Variants in MAML2 observed in about 807,000 individuals in gnomAD.
The protein encoded by MAML2 is mastermind-like protein 2.
MAML2 carries 22 observed loss-of-function variants against 96.1 expected under a neutral mutation model. The observed-to-expected ratio is 0.23, with a 90% confidence interval of 0.16 to 0.33. The LOEUF (loss-of-function observed/expected upper bound fraction) is 0.33. Ranked by LOEUF, MAML2 falls within the 10% of genes least tolerant of loss-of-function variation. MAML2 has a pLI of 1.00. For missense variants in MAML2, 1,367 were observed against 1,392.4 expected, an observed-to-expected ratio of 0.98 and a Z score of 0.29; for synonymous variants, 561 against 521.3, an observed-to-expected ratio of 1.08 and a Z score of -1.04.
rs1862880467 is a variant in MAML2, at chr11:96,269,360, A to G, written c.513+72023T>C. ...AGCTCTCCATTCAGCCTAAATAGCT[A>G]TTGTATGTTATGTTCCTGAGAAGGT... On this transcript the variant is annotated intron_variant, in intron 1 of 4. Transcript: ENST00000524717. Among the ~76,000 whole-genome samples, 2 of 144,738 alleles carry G rather than the reference A, an allele frequency of 1.4e-5. 1 individual carries two copies. The highest frequency in any genetic ancestry group is 5.3e-5 in the African/African-American group (2 of 37,742). The allele number at this position is 144,738 out of a possible 152,430, so 95.0% of individuals were successfully genotyped here.
chr11:96,330,039 C>A (rs565742410), intron 1 of MAML2, among the ~76,000 whole-genome samples: 56 of 152,140 alleles, frequency 3.7e-4, no homozygotes, highest in Non-Finnish European at 7.3e-4. Flanking sequence ...TGAGGTTAAC[C>A]CTTTTCTATT....
chr11:96,159,008 A>G (rs1480898908), intron 1 of MAML2, among the ~76,000 whole-genome samples: 1 of 152,212 alleles, frequency 6.6e-6, no homozygotes, highest in Non-Finnish European at 1.5e-5. Flanking sequence ...TCTGTTTCTT[A>G]TGATACAGAT....
intron 1 of MAML2, among the ~76,000 whole-genome samples, chr11:96,322,528 T>C (rs1220970599): frequency 6.6e-6 from 1 of 152,082 alleles, no homozygotes; most frequent in African/African-American, 2.4e-5. Flanking sequence ...CCGTCTCTAC[T>C]AAAAATACAA....
chr11:96,194,343 A>G (rs777458023), intron 1 of MAML2, among the ~76,000 whole-genome samples: 4 of 152,164 alleles, frequency 2.6e-5, no homozygotes, highest in Non-Finnish European at 5.9e-5. Context: ...CTTACATATG[A>G]ATAAAGTAAA....
intron 1 of MAML2, among the ~76,000 whole-genome samples, chr11:96,097,038 G>C (rs1163611411): frequency 2.6e-5 from 4 of 152,048 alleles, no homozygotes; most frequent in African/African-American, 9.7e-5. Context: ...ATGCCTACAT[G>C]CAGTAGGCAC....
chr11:96,216,464 C>T (rs1233326799), intron 1 of MAML2, among the ~76,000 whole-genome samples: 1 of 152,166 alleles, frequency 6.6e-6, no homozygotes, highest in Non-Finnish European at 1.5e-5. Context: ...CTCTTGATTG[C>T]ACCAATTTTT....
chr11:96,215,214 C>A (rs190291725), intron 1 of MAML2, among the ~76,000 whole-genome samples: 1 of 152,152 alleles, frequency 6.6e-6, no homozygotes, highest in African/African-American at 2.4e-5. Flanking sequence ...GGGGTAATTC[C>A]AACTCAGAAA....
At chr11:95,991,004 A>G (rs1857901105) in intron 3 of MAML2, among the ~76,000 whole-genome samples, 1 of 152,070 alleles carries the variant, frequency 6.6e-6, no homozygotes, top group African/African-American at 2.4e-5. Context: ...TCACTTTTGC[A>G]TCAACCTAAT....
chr11:96,170,700 G>A (rs1195095280), intron 1 of MAML2, among the ~76,000 whole-genome samples: 2 of 152,124 alleles, frequency 1.3e-5, no homozygotes, highest in African/African-American at 4.8e-5. Flanking sequence ...GGAGAAGGGT[G>A]GCTTCTGTGT....
intron 1 of MAML2, among the ~76,000 whole-genome samples, chr11:96,218,088 G>A (rs966894168): frequency 6.6e-6 from 1 of 152,184 alleles, no homozygotes; most frequent in Non-Finnish European, 1.5e-5. Flanking sequence ...ATATTACATA[G>A]GTAAATACAT....
intron 1 of MAML2, among the ~76,000 whole-genome samples, chr11:96,108,968 G>C (rs1043514361): frequency 6.6e-6 from 1 of 151,650 alleles, no homozygotes; most frequent in African/African-American, 2.4e-5. Flanking sequence ...AGAGAACAAG[G>C]CTGCAGTGAT....
intron 1 of MAML2, among the ~76,000 whole-genome samples, chr11:96,237,568 C>A (rs924501690): frequency 3.3e-5 from 5 of 152,172 alleles, no homozygotes; most frequent in African/African-American, 1.2e-4. Flanking sequence ...AACTGTTAGG[C>A]ACATAGTGGA....
intron 2 of MAML2, among the ~76,000 whole-genome samples, chr11:96,056,393 A>C (rs1185389178): frequency 6.6e-6 from 1 of 151,602 alleles, no homozygotes; most frequent in Non-Finnish European, 1.5e-5. Flanking sequence ...CTGAGGAAAA[A>C]AAAAAAAAAA....
rs569066942 is a variant in MAML2 at position 96,091,433 on chromosome 11, T to G, written c.2139+459A>C. On this transcript the variant is annotated intron_variant, in intron 2 of 4. Coordinates refer to ENST00000524717, the MANE Select transcript of MAML2 (RefSeq NM_032427.4). ...ATTATGATCATTGGGCATTTAAATA[T>G]TCCAGTTGGTTGGTGCAGGTGTAGA... Among the ~76,000 whole-genome samples, 50 of 152,248 alleles carry G rather than the reference T, an allele frequency of 3.3e-4. 1 individual carries two copies. In the South Asian group the frequency reaches 0.01, roughly 31 times the overall value.
chr11:96,196,859 T>G (rs1861739627), intron 1 of MAML2, among the ~76,000 whole-genome samples: 1 of 150,454 alleles, frequency 6.6e-6, no homozygotes, highest in Admixed American at 6.7e-5. Context: ...GTCCAATGGT[T>G]CTCCCCCAAC....
At chr11:96,010,209 A>C (rs551074421) in intron 2 of MAML2, among the ~76,000 whole-genome samples, 1 of 152,362 alleles carries the variant, frequency 6.6e-6, no homozygotes, top group East Asian at 1.9e-4. Context: ...ATATATGGAT[A>C]CATATTTAAA....
At position 96,051,358 on chromosome 11, in the gene MAML2, CT is replaced by C. The variant is rs1435017951; in HGVS notation, c.2139+40533del. Among the ~76,000 whole-genome samples, 19 of 152,204 alleles carry C rather than the reference CT, an allele frequency of 1.2e-4. No individual in the cohort carries two copies. The East Asian group carries it at 3.5e-3, about 28-fold the overall frequency. On this transcript the variant is annotated intron_variant, in intron 2 of 4. Transcript: ENST00000524717. Reference sequence around the variant, plus strand: ...TCCAATATTTATTAAATACCAGATACTTTGTTAAACCCTTTACATTTAATCT... The same window carrying C: ...TCCAATATTTATTAAATACCAGATACTTGTTAAACCCTTTACATTTAATCT...
Position 96,184,427 on chromosome 11 carries a change from G to A in MAML2, c.514-90910C>T, listed in dbSNP as rs963893819. On this transcript the variant is annotated intron_variant, in intron 1 of 4. Coordinates refer to ENST00000524717, the MANE Select transcript of MAML2 (RefSeq NM_032427.4). Reference sequence around the variant, plus strand: ...TGCACTCCAGCCTGGGTGACAGAGCGAGACTCCATCTCAAATAAATAAATA... The same window carrying A: ...TGCACTCCAGCCTGGGTGACAGAGCAAGACTCCATCTCAAATAAATAAATA... 5.4e-5 allele frequency among the ~76,000 whole-genome samples: 8 copies of A among 148,242 alleles called. 1 individual carries two copies. The highest frequency in any genetic ancestry group is 3.4e-4 in the Admixed American group (5 of 14,678).
At chr11:96,338,305 C>T (rs932363986) in intron 1 of MAML2, among the ~76,000 whole-genome samples, 1 of 152,208 alleles carries the variant, frequency 6.6e-6, no homozygotes, top group African/African-American at 2.4e-5. Flanking sequence ...TAATCCGGGC[C>T]CTCTGAAAGG....
Sources: gnomAD v4.1 joint callset for allele counts (sites outside exome capture counted in the v4.1 genomes callset) on GRCh38, gnomAD v4.1.1 for gene constraint, MANE v1.5 for transcripts, NCBI Gene and HGNC (gene_info 2026-07-23, HGNC 2026-07-21) for gene names.